The following CHST10 variants were observed in gnomAD, a reference collection of about 807,000 sequenced individuals.
CHST10 encodes HNK-1 sulfotransferase.
CHST10 carries 24 observed loss-of-function variants against 34.7 expected under a neutral mutation model. The ratio of observed to expected loss-of-function variants is 0.69; its 90% CI spans 0.50 to 0.97. The LOEUF (loss-of-function observed/expected upper bound fraction) is 0.97, where lower values mean the gene tolerates loss of function less well. CHST10 is among the 50% of genes least tolerant of loss of function. The probability of loss-of-function intolerance (pLI) is 0.00; values close to 1 mark genes in which losing one functional copy is unlikely to be tolerated. For missense variants in CHST10, 402 were observed against 452.1 expected (o/e 0.89, Z 1.00); for synonymous variants, 161 against 169.3 (o/e 0.95, Z 0.38).
chr2:100,400,471 C>T (rs928695417), intron 4 of CHST10, among the ~76,000 whole-genome samples: 1 of 152,138 alleles, frequency 6.6e-6, no homozygotes, highest in Admixed American at 6.5e-5. Context: ...AACTCCTAGG[C>T]GCAATCGATT....
At chr2:100,408,243 T>A (rs2104226146) in intron 2 of CHST10, 1 of 149,162 alleles carries the variant, frequency 6.7e-6, no homozygotes. Flanking sequence ...CTGTAGTTTA[T>A]CAGCAACACC....
chr2:100,395,479 C>A (rs1411177204), intron 6 of CHST10, 30 bp downstream of exon 6: 1 of 1,585,904 alleles, frequency 6.3e-7, no homozygotes, highest in Non-Finnish European at 8.7e-7. Context: ...ACAAAAACTC[C>A]CCCCTCCCCT....
chr2:100,406,717 A>G lies in CHST10; in HGVS notation c.-32-10T>C. 6.2e-7 allele frequency: 1 copy of G among 1,612,710 alleles called. No homozygotes were observed. The highest frequency in any genetic ancestry group is 8.5e-7 in the Non-Finnish European group (1 of 1,179,440). On this transcript the variant is annotated splice_polypyrimidine_tract_variant and intron_variant, in intron 2 of 6. Coordinates refer to ENST00000264249, the MANE Select transcript of CHST10 (RefSeq NM_004854.5). ...CATTCACTGACTCTTCCTGGAAAAC[A>G]CAAGCGAGATGCCCCTGCTGCTTAC...
chr2:100,412,099 A>AT (rs1375022093), intron 2 of CHST10, among the ~76,000 whole-genome samples: 1 of 152,210 alleles, frequency 6.6e-6, no homozygotes, highest in Non-Finnish European at 1.5e-5. Flanking sequence ...TCTGATTTAA[A>AT]TTTTGAAACA....
chr2:100,411,010 T>C (rs1242747332), intron 2 of CHST10, among the ~76,000 whole-genome samples: 3 of 151,944 alleles, frequency 2.0e-5, no homozygotes, highest in Non-Finnish European at 2.9e-5. Context: ...TATACAAACA[T>C]AGACACATAT....
chr2:100,416,999 C>T, intron 1 of CHST10: 2 of 1,304,328 alleles, frequency 1.5e-6, no homozygotes, highest in Non-Finnish European at 2.0e-6. Context: ...CGAAGCTGCA[C>T]ATGCTCCTTC....
In CHST10 at chr2:100,392,737, C is replaced by T. The variant is rs1674850290; in HGVS notation, c.*508G>A. 6.2e-6 allele frequency: 1 copy of T among 161,490 alleles called. No homozygotes were observed. 10.0% of individuals were successfully genotyped at this position (161,490 alleles called of 1,614,324 possible). On this transcript the variant is annotated 3_prime_UTR_variant, in exon 7 of 7. Transcript: ENST00000264249. ...AGCACCAAGATGAAGGCCAGAGGTG[C>T]CGTTTTACTCCTCAGATCTGATGCT... is the stretch of plus-strand genomic sequence containing the variant.
At chr2:100,402,482 ACCAGCCACAGGGGAAGG>A (rs1675384931) in intron 4 of CHST10, 65 bp downstream of exon 4, 1 of 1,084,586 alleles carries the variant, frequency 9.2e-7, no homozygotes, top group African/African-American at 1.5e-5. Flanking sequence ...GACAAGCGGA[ACCAGCCACAGGGGAAGG>A]CCAGCTCCCC....
At chr2:100,406,835 C>T in intron 2 of CHST10, 128 bp from the exon 3 acceptor site, 8 of 1,066,956 alleles carry the variant, frequency 7.5e-6, no homozygotes, top group Non-Finnish European at 1.1e-5. Flanking sequence ...TCCACTGCTA[C>T]AATAGGTAGT....
rs150788661 is a variant in CHST10 at position 100,392,526 on chromosome 2, C to A, written c.*719G>T. 6.6e-6 allele frequency: 1 copy of A among 152,464 alleles called. No individual in the cohort carries two copies. The highest frequency in any genetic ancestry group is 2.4e-5 in the African/African-American group (1 of 41,412). The allele number at this position is 152,464 out of a possible 1,614,324, so 9.4% of individuals were successfully genotyped here. On this transcript the variant is annotated 3_prime_UTR_variant, in exon 7 of 7. Coordinates refer to ENST00000264249, the MANE Select transcript of CHST10 (RefSeq NM_004854.5). ...CTCCCCTCCCCTCACCTTCTAAAAT[C>A]GTATGTCTTGTGCTGAATGAAATAG...
intron 3 of CHST10, among the ~76,000 whole-genome samples, chr2:100,405,222 G>C (rs562250655): frequency 6.6e-6 from 1 of 152,166 alleles, no homozygotes; most frequent in Non-Finnish European, 1.5e-5. Flanking sequence ...CCCGAGTCCC[G>C]GGCGTGAGCT....
At chr2:100,395,954 A>C (rs549870191) in intron 5 of CHST10, among the ~76,000 whole-genome samples, 1 of 152,300 alleles carries the variant, frequency 6.6e-6, no homozygotes, top group African/African-American at 2.4e-5. Context: ...CGCTGCATGC[A>C]AACAGAACTC....
intron 6 of CHST10, among the ~76,000 whole-genome samples, chr2:100,394,799 C>T (rs553941989): frequency 1.9e-4 from 29 of 151,582 alleles, no homozygotes; most frequent in African/African-American, 6.8e-4. Flanking sequence ...TCTTGGCTCA[C>T]TGCAACCCTT....
intron 3 of CHST10, among the ~76,000 whole-genome samples, chr2:100,402,993 G>A (rs1157343437): frequency 1.3e-5 from 2 of 152,190 alleles, no homozygotes; most frequent in Admixed American, 6.5e-5. Context: ...ATTTGAAGAG[G>A]AGGAAAAGAC....
At chr2:100,399,773 T>C (rs918131462) in intron 4 of CHST10, among the ~76,000 whole-genome samples, 1 of 152,166 alleles carries the variant, frequency 6.6e-6, no homozygotes, top group Non-Finnish European at 1.5e-5. Flanking sequence ...TTTAAGTGAA[T>C]TTCCTGGGAT....
At chr2:100,397,636 C>T (rs530322436) in intron 5 of CHST10, among the ~76,000 whole-genome samples, 6 of 152,240 alleles carry the variant, frequency 3.9e-5, no homozygotes, top group African/African-American at 1.4e-4. Context: ...TGGGGGTGGG[C>T]GAGCCACCTA....
rs927572716 is a variant in CHST10 at position 100,415,089 on chromosome 2, G to A, written c.-81C>T. 1.0e-5 allele frequency: 13 copies of A among 1,301,830 alleles called. No individual in the cohort carries two copies. The highest frequency in any genetic ancestry group is 1.1e-5 in the Non-Finnish European group (11 of 987,996). 80.6% of individuals were successfully genotyped at this position (1,301,830 alleles called of 1,614,324 possible). A position where few individuals can be genotyped will look rare whatever the true frequency, so the allele number is the denominator to read the frequency against. ...TTCCTTGCTGTGTTTCCCCTGAACT[G>A]AGGTTCTTGGTTCCTCTTGTCACTG... On this transcript the variant is annotated 5_prime_UTR_variant, in exon 2 of 7. Coordinates refer to ENST00000264249, the MANE Select transcript of CHST10 (RefSeq NM_004854.5).
rs373503521 is a variant in CHST10 at position 100,395,627 on chromosome 2, C to A, written c.428-13G>T. 1 of 1,610,810 alleles carries A rather than the reference C, an allele frequency of 6.2e-7. No homozygotes were observed. Among genetic ancestry groups the A allele is most frequent in the Non-Finnish European group, 8.5e-7 (1 of 1,177,346 alleles). ...GAAGAAAATGCTCCTGGGAAGTAAACGGAAAGGAAGGCAGGTTGGCTGCTC... is the reference window on the plus strand; with the variant it reads ...GAAGAAAATGCTCCTGGGAAGTAAAAGGAAAGGAAGGCAGGTTGGCTGCTC... On this transcript the variant is annotated splice_polypyrimidine_tract_variant and intron_variant, in intron 5 of 6. Transcript: ENST00000264249.
chr2:100,400,449 A>G (rs1234920328), intron 4 of CHST10, among the ~76,000 whole-genome samples: 3 of 152,206 alleles, frequency 2.0e-5, no homozygotes, highest in Non-Finnish European at 4.4e-5. Flanking sequence ...TATATTGCCC[A>G]GGCTGGTCTC....
Sources: gnomAD v4.1 joint callset for allele counts (sites outside exome capture counted in the v4.1 genomes callset) on GRCh38, gnomAD v4.1.1 for gene constraint, MANE v1.5 for transcripts, NCBI Gene and HGNC (gene_info 2026-07-23, HGNC 2026-07-21) for gene names.